Variants in DMD observed in about 807,000 individuals in gnomAD.
DMD encodes dystrophin, also known as mutant dystrophin.
Under a neutral mutation model 330.1 loss-of-function variants are expected in DMD, and 63 were observed. The observed-to-expected ratio is 0.19, with a 90% confidence interval of 0.16 to 0.24. DMD has a LOEUF of 0.24. DMD is among the 10% of genes least tolerant of loss of function. The pLI is 1.00. For synonymous variants in DMD, 1,223 were observed against 959.8 expected (o/e 1.27, Z -5.07); for missense variants, 3,344 against 2,684.1 (o/e 1.25, Z -5.43).
chrX:32,850,120 G>A (rs758957855), intron 2 of DMD, among the ~76,000 whole-genome samples: 23 of 111,687 alleles, frequency 2.1e-4, no homozygotes, highest in African/African-American at 6.5e-4. Flanking sequence ...AAAAAATACA[G>A]GCATGATCAA....
At chrX:31,776,551 T>C (rs1458875665) in intron 50 of DMD, among the ~76,000 whole-genome samples, 2 of 94,044 alleles carry the variant, frequency 2.1e-5, no homozygotes, top group South Asian at 5.2e-4. Context: ...AAAAGCACGT[T>C]TGGAAAAAGA....
chrX:33,128,335 C>T, intron 1 of DMD: 7 of 1,027,300 alleles, frequency 6.8e-6, no homozygotes, highest in Non-Finnish European at 8.7e-6. Context: ...CTCACAAAAG[C>T]AGACAAACAC....
At chrX:32,668,104 G>C (rs775693744) in intron 9 of DMD, among the ~76,000 whole-genome samples, 1 of 110,611 alleles carries the variant, frequency 9.0e-6, no homozygotes, top group South Asian at 3.9e-4. Flanking sequence ...AGCCGAGATT[G>C]TGCCACTGCA....
chrX:31,831,676 G>A (rs1293163420), intron 49 of DMD, among the ~76,000 whole-genome samples: 4 of 111,290 alleles, frequency 3.6e-5, no homozygotes, highest in African/African-American at 1.3e-4. Flanking sequence ...TCAGCTCACT[G>A]CAAGCTCTGC....
chrX:31,912,632 G>A (rs1009114320), intron 47 of DMD, among the ~76,000 whole-genome samples: 4 of 110,977 alleles, frequency 3.6e-5, no homozygotes, highest in East Asian at 5.7e-4. Flanking sequence ...TAAAATTCAC[G>A]GTCCCAAACT....
At chrX:32,383,413 A>C in intron 33 of DMD, among the ~76,000 whole-genome samples, 1 of 111,682 alleles carries the variant, frequency 9.0e-6, no homozygotes, top group East Asian at 2.8e-4. Flanking sequence ...GAATAATGTA[A>C]TAACATTTCC....
In DMD at chrX:32,452,415, G is replaced by GGAAA. The variant is rs2098336228; in HGVS notation, c.3603+2246_3603+2247insTTTC. 2.0e-4 allele frequency among the ~76,000 whole-genome samples: 5 copies of GGAAA among 25,562 alleles called. 2 individuals are homozygous for GGAAA. The highest frequency in any genetic ancestry group is 3.6e-4 in the Non-Finnish European group (5 of 14,054). 22.2% of individuals were successfully genotyped at this position (25,562 alleles called of 115,157 possible). A position where few individuals can be genotyped will look rare whatever the true frequency, so the allele number is the denominator to read the frequency against. ...AAAGGGAAGGGAAAGGAAAGGGAAAGGGAAAGGGAAAGGGAAAGGGAAAGG... is the reference window on the plus strand; with the variant it reads ...AAAGGGAAGGGAAAGGAAAGGGAAAGGAAAGGAAAGGGAAAGGGAAAGGGAAAGG... On this transcript the variant is annotated intron_variant, in intron 26 of 78. Coordinates refer to ENST00000357033, the MANE Select transcript of DMD (RefSeq NM_004006.3).
chrX:33,048,138 A>G (rs2094407760), intron 1 of DMD, among the ~76,000 whole-genome samples: 1 of 112,290 alleles, frequency 8.9e-6, no homozygotes, highest in South Asian at 3.7e-4. Context: ...TCAATTTTAT[A>G]TAATTATGGA....
At chrX:32,314,346 G>A (rs182649862) in intron 41 of DMD, among the ~76,000 whole-genome samples, 2 of 111,378 alleles carry the variant, frequency 1.8e-5, no homozygotes, top group South Asian at 3.7e-4. Flanking sequence ...CTGGCCATAT[G>A]CAGAAAACGG....
At chrX:32,082,181 C>T (rs893258732) in intron 44 of DMD, among the ~76,000 whole-genome samples, 1 of 111,770 alleles carries the variant, frequency 8.9e-6, no homozygotes, top group Admixed American at 9.5e-5. Context: ...ACAACTCCAG[C>T]AGGCAGCCAG....
chrX:31,433,104 T>G, intron 60 of DMD, among the ~76,000 whole-genome samples: 1 of 112,137 alleles, frequency 8.9e-6, no homozygotes, highest in African/African-American at 3.2e-5. Context: ...TACATCCATG[T>G]GTACCCAAAG....
chrX:32,423,770 G>T (rs1006411971), intron 29 of DMD, among the ~76,000 whole-genome samples: 14 of 110,325 alleles, frequency 1.3e-4, no homozygotes, highest in African/African-American at 4.6e-4. Context: ...TTTTGTGAAG[G>T]CTATGTACTC....
intron 54 of DMD, among the ~76,000 whole-genome samples, chrX:31,644,922 C>A (rs919399268): frequency 2.7e-5 from 3 of 111,625 alleles, no homozygotes; most frequent in African/African-American, 9.8e-5. Context: ...GAATTGCCTA[C>A]CTGTCAGGAT....
intron 17 of DMD, among the ~76,000 whole-genome samples, chrX:32,528,945 G>A (rs1414612737): frequency 5.3e-5 from 5 of 94,674 alleles, no homozygotes; most frequent in East Asian, 6.5e-4. Flanking sequence ...TTTTTCAGAC[G>A]GAGTCTCGCT....
chrX:32,924,813 A>G (rs901332333), intron 2 of DMD, among the ~76,000 whole-genome samples: 3 of 111,674 alleles, frequency 2.7e-5, no homozygotes, highest in African/African-American at 9.8e-5. Context: ...TAAATTGCTC[A>G]ACCCTATTAC....
At position 31,415,742 on chromosome X, in the gene DMD, C is replaced by G. The variant is rs901003402; in HGVS notation, c.9084+28739G>C. 6.3e-5 allele frequency among the ~76,000 whole-genome samples: 7 copies of G among 111,098 alleles called. No individual in the cohort carries two copies. The Admixed American group carries it at 6.8e-4, about 11-fold the overall frequency. On this transcript the variant is annotated intron_variant, in intron 60 of 78. Transcript: ENST00000357033. ...AAACAGCCATCCCTCCTCCCATTCT[C>G]TTATTACAAGGGTTTGCAAACTTCA...
chrX:32,059,641 A>T (rs1043633723), intron 44 of DMD, among the ~76,000 whole-genome samples: 35 of 111,201 alleles, frequency 3.1e-4, no homozygotes, highest in Non-Finnish European at 3.8e-4. Flanking sequence ...AGTAAGAAGG[A>T]CATAGAGAGA....
chrX:32,234,376 A>G (rs141692414), intron 43 of DMD, among the ~76,000 whole-genome samples: 1,566 of 111,622 alleles, frequency 0.014, 26 homozygotes, highest in African/African-American at 0.047. Flanking sequence ...ATTTAAAAAT[A>G]TAATTTTGTA....
chrX:33,251,154 AAATT>A (rs781560540), intron 1 of DMD, among the ~76,000 whole-genome samples: 38 of 111,834 alleles, frequency 3.4e-4, no homozygotes, highest in African/African-American at 1.2e-3. Context: ...GCAAAAATAA[AAATT>A]AATTAATTAA....
Sources: allele counts gnomAD v4.1 joint callset (sites outside exome capture counted in the v4.1 genomes callset), GRCh38; gene constraint gnomAD v4.1.1; transcripts MANE v1.5; gene names NCBI Gene and HGNC (gene_info 2026-07-23, HGNC 2026-07-21).